The following AGBL4 variants were observed in gnomAD, a reference collection of about 807,000 sequenced individuals.
AGBL4 encodes AGBL carboxypeptidase 4, also known as cytosolic carboxypeptidase 6.
AGBL4 carries 58 observed loss-of-function variants against 66.4 expected under a neutral mutation model. The observed-to-expected ratio is 0.87, with a 90% CI of 0.71 to 1.09. The LOEUF (loss-of-function observed/expected upper bound fraction) is 1.09, where lower values mean the gene tolerates loss of function less well. Ranked by LOEUF, AGBL4 falls within the 50% of genes least tolerant of loss-of-function variation. The pLI, the probability that AGBL4 is intolerant of heterozygous loss-of-function variation, is 0.00. For synonymous variants in AGBL4, 234 were observed against 222.9 expected (o/e 1.05, Z -0.44); for missense variants, 579 against 631.0 (o/e 0.92, Z 0.88).
At chr1:49,947,986 A>G (rs1280238143) in intron 1 of AGBL4, among the ~76,000 whole-genome samples, 1 of 101,606 alleles carries the variant, frequency 9.8e-6, no homozygotes, top group East Asian at 2.5e-4. Context: ...ATAAATATAT[A>G]TTTATATATA....
At chr1:49,131,758 C>T (rs1375658694) in intron 4 of AGBL4, among the ~76,000 whole-genome samples, 1 of 152,026 alleles carries the variant, frequency 6.6e-6, no homozygotes, top group Admixed American at 6.6e-5. Flanking sequence ...CTAGGAAGAG[C>T]AGAACAAGAA....
chr1:50,009,097 T>C lies in AGBL4; in HGVS notation c.34+14666A>G, dbSNP rs369940837. ...TAAAGAACTAACACCAATCCTACTATTTTGAAAAACAGAGGAGAAGGGAAT... is the reference window on the plus strand; with the variant it reads ...TAAAGAACTAACACCAATCCTACTACTTTGAAAAACAGAGGAGAAGGGAAT... On this transcript the variant is annotated intron_variant, in intron 1 of 13. Coordinates refer to ENST00000371839, the MANE Select transcript of AGBL4 (RefSeq NM_032785.4). Among the ~76,000 whole-genome samples, 51 of 152,252 alleles carry C rather than the reference T, an allele frequency of 3.3e-4. 1 individual carries two copies. The South Asian group carries it at 9.3e-3, about 28-fold the overall frequency.
intron 1 of AGBL4, among the ~76,000 whole-genome samples, chr1:49,881,288 T>C (rs964277106): frequency 7.2e-5 from 11 of 152,140 alleles, no homozygotes; most frequent in Non-Finnish European, 4.4e-5. Flanking sequence ...CAGTCTATCA[T>C]TGTTGGACAT....
rs146576808 is a variant in AGBL4, at chr1:49,927,068, C to A, written c.35-75550G>T. The stretch of plus-strand genomic sequence containing the variant: ...GAAGGCTAAGCCAGTCTAGTCTTTT[C>A]ACGTTTTTTCTGCCTGCAACATTCT... On this transcript the variant is annotated intron_variant, in intron 1 of 13. Coordinates refer to ENST00000371839, the MANE Select transcript of AGBL4 (RefSeq NM_032785.4). 5.7e-3 allele frequency among the ~76,000 whole-genome samples: 871 copies of A among 152,170 alleles called. 11 individuals carry two copies. The highest frequency in any genetic ancestry group is 0.02 in the African/African-American group (831 of 41,506).
intron 1 of AGBL4, among the ~76,000 whole-genome samples, chr1:49,991,997 A>C (rs1397246374): frequency 6.6e-6 from 1 of 152,240 alleles, no homozygotes; most frequent in Non-Finnish European, 1.5e-5. Flanking sequence ...CATATAAAGT[A>C]CCTAGGAAAT....
chr1:49,242,620 G>A (rs1261036506), intron 4 of AGBL4, among the ~76,000 whole-genome samples: 6 of 151,910 alleles, frequency 3.9e-5, no homozygotes, highest in Non-Finnish European at 5.9e-5. Flanking sequence ...CTTGGATACT[G>A]TTAAGAAATA....
intron 9 of AGBL4, among the ~76,000 whole-genome samples, chr1:48,625,210 G>A (rs973254744): frequency 7.3e-6 from 1 of 137,884 alleles, no homozygotes; most frequent in Non-Finnish European, 1.6e-5. Context: ...TTTTCTTGTT[G>A]TTTAGAGATG....
chr1:48,672,755 A>C (rs1361909810), intron 6 of AGBL4, among the ~76,000 whole-genome samples: 1 of 152,240 alleles, frequency 6.6e-6, no homozygotes, highest in African/African-American at 2.4e-5. Flanking sequence ...ATTCTCTGGA[A>C]ATACATGACA....
intron 1 of AGBL4, among the ~76,000 whole-genome samples, chr1:50,002,532 G>C (rs1660839944): frequency 6.6e-6 from 1 of 151,348 alleles, no homozygotes. Context: ...ACCACGCCCG[G>C]CTAATTTTTT....
intron 1 of AGBL4, chr1:49,995,478 AG>A: frequency 5.7e-6 from 2 of 353,814 alleles, no homozygotes; most frequent in Non-Finnish European, 1.1e-5. Flanking sequence ...CATACCCCAC[AG>A]GGGCTGAAGC....
At chr1:49,781,475 AAG>A in intron 2 of AGBL4, among the ~76,000 whole-genome samples, 1 of 152,160 alleles carries the variant, frequency 6.6e-6, no homozygotes, top group East Asian at 1.9e-4. Flanking sequence ...CACCCCTTAC[AAG>A]AGAACTCCAA....
intron 11 of AGBL4, among the ~76,000 whole-genome samples, chr1:48,582,965 T>A (rs1417113709): frequency 1.3e-5 from 2 of 152,164 alleles, no homozygotes; most frequent in East Asian, 1.9e-4. Context: ...AGATGAAATA[T>A]CCCTTGGGAT....
chr1:49,034,850 C>G (rs1044051529), intron 5 of AGBL4, among the ~76,000 whole-genome samples: 2 of 152,030 alleles, frequency 1.3e-5, no homozygotes, highest in African/African-American at 4.8e-5. Context: ...TATAAATTAC[C>G]CAGTCTTGGG....
intron 4 of AGBL4, among the ~76,000 whole-genome samples, chr1:49,154,195 C>T (rs1041274123): frequency 2.0e-5 from 3 of 152,014 alleles, no homozygotes; most frequent in Admixed American, 6.6e-5. Context: ...CAAGTTGTTA[C>T]ATCAGGAAAA....
intron 3 of AGBL4, among the ~76,000 whole-genome samples, chr1:49,421,082 T>G (rs1645536275): frequency 6.6e-6 from 1 of 152,222 alleles, no homozygotes; most frequent in Non-Finnish European, 1.5e-5. Flanking sequence ...GGAAGACAGC[T>G]GATTGGAATA....
intron 8 of AGBL4, among the ~76,000 whole-genome samples, chr1:48,635,218 G>A (rs1248698842): frequency 2.6e-5 from 4 of 152,176 alleles, no homozygotes; most frequent in Admixed American, 2.6e-4. Context: ...GGATTCAAGT[G>A]CTCCAGTTAC....
At position 49,416,270 on chromosome 1, in the gene AGBL4, C is replaced by T. The variant is rs536873649; in HGVS notation, c.283-170406G>A. On this transcript the variant is annotated intron_variant, in intron 3 of 13. Transcript: ENST00000371839. ...ATATGCATATGTATGTGTGAATAGA[C>T]GTATACATTGTGTGCATACCTGTAG... 4.6e-5 allele frequency among the ~76,000 whole-genome samples: 7 copies of T among 152,022 alleles called. No individual in the cohort carries two copies. In the East Asian group the frequency reaches 5.8e-4, roughly 13 times the overall value.
chr1:48,670,646 C>T (rs867865603), intron 6 of AGBL4, among the ~76,000 whole-genome samples: 3 of 152,212 alleles, frequency 2.0e-5, no homozygotes, highest in African/African-American at 7.2e-5. Context: ...GGGCTGGAAC[C>T]TAGGCCTGGG....
intron 4 of AGBL4, among the ~76,000 whole-genome samples, chr1:49,191,763 G>T (rs1362177509): frequency 6.6e-6 from 1 of 152,152 alleles, no homozygotes; most frequent in African/African-American, 2.4e-5. Flanking sequence ...GCCCCCAGCT[G>T]CATCACTCTT....
Sources: gnomAD v4.1 joint callset for allele counts (sites outside exome capture counted in the v4.1 genomes callset) on GRCh38, gnomAD v4.1.1 for gene constraint, MANE v1.5 for transcripts, NCBI Gene and HGNC (gene_info 2026-07-23, HGNC 2026-07-21) for gene names.